PIP4K2C: variants seen among roughly 807,000 people sequenced by gnomAD.
PIP4K2C encodes phosphatidylinositol-5-phosphate 4-kinase type 2 gamma.
PIP4K2C carries 21 observed loss-of-function variants against 45.0 expected under a neutral mutation model. The ratio of observed to expected loss-of-function variants is 0.47; its 90% CI spans 0.33 to 0.67. The LOEUF is 0.67. Ranked by LOEUF, PIP4K2C falls within the 30% of genes least tolerant of loss-of-function variation. PIP4K2C has a pLI of 0.02. For synonymous variants in PIP4K2C, 201 were observed against 204.8 expected, an observed-to-expected ratio of 0.98 and a Z score of 0.16; for missense variants, 456 against 542.8, an observed-to-expected ratio of 0.84 and a Z score of 1.59.
chr12:57,598,404 C>A (rs945448567), intron 4 of PIP4K2C, among the ~76,000 whole-genome samples: 2 of 151,834 alleles, frequency 1.3e-5, no homozygotes, highest in Non-Finnish European at 2.9e-5. Context: ...GCCTGTACTC[C>A]CAGCTACTCG....
intron 3 of PIP4K2C, 111 bp from the exon 4 acceptor site, chr12:57,595,777 C>T: frequency 2.5e-6 from 3 of 1,177,446 alleles, no homozygotes; most frequent in Non-Finnish European, 3.7e-6. Flanking sequence ...AGGAACTGTG[C>T]TGAATCTCCT....
Position 57,603,200 on chromosome 12 carries a change from C to T in PIP4K2C, c.*1594C>T, listed in dbSNP as rs970203990. ...ACTGATGGATCTTTTTCATTCCAAC[C>T]ATCTCCCTTTCCCCCGATGAATGCA... is the stretch of plus-strand genomic sequence containing the variant. On this transcript the variant is annotated 3_prime_UTR_variant, in exon 10 of 10. Transcript: ENST00000354947. 6.6e-6 allele frequency: 1 copy of T among 152,598 alleles called. No homozygotes were observed. The highest frequency in any genetic ancestry group is 2.4e-5 in the African/African-American group (1 of 41,436). 9.5% of individuals were successfully genotyped at this position (152,598 alleles called of 1,614,324 possible).
intron 1 of PIP4K2C, 131 bp downstream of exon 1, chr12:57,591,594 C>A: frequency 1.0e-6 from 1 of 1,001,326 alleles, no homozygotes. Context: ...TTGGTCCCTG[C>A]CCACCAACCC....
chr12:57,600,572 AG>A, intron 7 of PIP4K2C, 135 bp downstream of exon 7: 1 of 795,814 alleles, frequency 1.3e-6, no homozygotes, highest in Admixed American at 2.5e-5. Context: ...ATGGGGGTTT[AG>A]TATGAGACAT....
chr12:57,591,730 C>T (rs1227871447), intron 1 of PIP4K2C, among the ~76,000 whole-genome samples: 1 of 152,216 alleles, frequency 6.6e-6, no homozygotes, highest in East Asian at 1.9e-4. Context: ...TCCTTCCTGC[C>T]ATGTCTAGCT....
rs188456044 is a variant in PIP4K2C at position 57,600,693 on chromosome 12, T to G, written c.814-118T>G. 3.6e-5 allele frequency: 48 copies of G among 1,342,840 alleles called. No homozygotes were observed. The Admixed American group carries it at 7.8e-4, about 22-fold the overall frequency. 83.2% of individuals were successfully genotyped at this position (1,342,840 alleles called of 1,614,324 possible). On this transcript the variant is annotated intron_variant, in intron 7 of 9. Coordinates refer to ENST00000354947, the MANE Select transcript of PIP4K2C (RefSeq NM_024779.5). ...AAAGGCAGTGGTATGCCCTGCAACC[T>G]CAATTTTTATACTTCCTTTCCCCAG... is the stretch of plus-strand genomic sequence containing the variant.
At chr12:57,592,712 C>T (rs1156372114) in intron 1 of PIP4K2C, among the ~76,000 whole-genome samples, 1 of 152,080 alleles carries the variant, frequency 6.6e-6, no homozygotes, top group African/African-American at 2.4e-5. Flanking sequence ...AGACCTACCT[C>T]AGCTTCACTA....
chr12:57,597,390 C>T (rs927773190), intron 4 of PIP4K2C, among the ~76,000 whole-genome samples: 1 of 151,988 alleles, frequency 6.6e-6, no homozygotes. Flanking sequence ...TAACTGGGTG[C>T]CTATTCACCA....
At chr12:57,593,029 C>G (rs1883029343) in intron 1 of PIP4K2C, among the ~76,000 whole-genome samples, 1 of 151,474 alleles carries the variant, frequency 6.6e-6, no homozygotes, top group Non-Finnish European at 1.5e-5. Flanking sequence ...GTGGAATGAT[C>G]TAGTAAGGAT....
At chr12:57,591,492 C>A in intron 1 of PIP4K2C, 29 bp downstream of exon 1, 1 of 1,559,820 alleles carries the variant, frequency 6.4e-7, no homozygotes, top group Non-Finnish European at 8.7e-7. Context: ...CCCCCGCAGC[C>A]CTGTCCAAAC....
In PIP4K2C at chr12:57,601,769, G is replaced by A; in HGVS notation, c.*163G>A. 2 of 640,538 alleles carry A rather than the reference G, an allele frequency of 3.1e-6. No homozygotes were observed. Among genetic ancestry groups the A allele is most frequent in the Admixed American group, 2.7e-5 (1 of 37,202 alleles). 39.7% of individuals were successfully genotyped at this position (640,538 alleles called of 1,614,324 possible). A position where few individuals can be genotyped will look rare whatever the true frequency, so the allele number is the denominator to read the frequency against. ...CCATCCTGTCGAGTAGGCTCTTTCT[G>A]ACCCTCAGAAATACATTGTCCTTTT... On this transcript the variant is annotated 3_prime_UTR_variant, in exon 10 of 10. Coordinates refer to ENST00000354947, the MANE Select transcript of PIP4K2C (RefSeq NM_024779.5).
In PIP4K2C at chr12:57,603,198, A is replaced by G. The variant is rs1024798808; in HGVS notation, c.*1592A>G. ...AGACTGATGGATCTTTTTCATTCCAACCATCTCCCTTTCCCCCGATGAATG... is the reference window on the plus strand; with the variant it reads ...AGACTGATGGATCTTTTTCATTCCAGCCATCTCCCTTTCCCCCGATGAATG... On this transcript the variant is annotated 3_prime_UTR_variant, in exon 10 of 10. Transcript: ENST00000354947. The G allele has an allele frequency of 6.6e-6, 1 of 152,504 alleles. No homozygotes were observed. Among genetic ancestry groups the G allele is most frequent in the African/African-American group, 2.4e-5 (1 of 41,400 alleles). 9.4% of individuals were successfully genotyped at this position (152,504 alleles called of 1,614,324 possible).
rs1464966234 is a variant in PIP4K2C, at chr12:57,603,235, T to A, written c.*1629T>A. 1 of 152,686 alleles carries A rather than the reference T, an allele frequency of 6.5e-6. No homozygotes were observed. Among genetic ancestry groups the A allele is most frequent in the Non-Finnish European group, 1.5e-5 (1 of 68,048 alleles). 9.5% of individuals were successfully genotyped at this position (152,686 alleles called of 1,614,324 possible). A position where few individuals can be genotyped will look rare whatever the true frequency, so the allele number is the denominator to read the frequency against. Reference sequence around the variant, plus strand: ...TCCCCCGATGAATGCAATAAAACTCTGTGACACCAGCAACCATTGCTCTTT... The same window carrying A: ...TCCCCCGATGAATGCAATAAAACTCAGTGACACCAGCAACCATTGCTCTTT... On this transcript the variant is annotated 3_prime_UTR_variant, in exon 10 of 10. Transcript: ENST00000354947.
Position 57,602,216 on chromosome 12 carries a change from G to A in PIP4K2C, c.*610G>A, listed in dbSNP as rs1405014475. The A allele has an allele frequency of 6.5e-6, 1 of 154,836 alleles. No individual in the cohort carries two copies. The highest frequency in any genetic ancestry group is 2.4e-5 in the African/African-American group (1 of 41,448). 9.6% of individuals were successfully genotyped at this position (154,836 alleles called of 1,614,324 possible). On this transcript the variant is annotated 3_prime_UTR_variant, in exon 10 of 10. Transcript: ENST00000354947. Reference sequence around the variant, plus strand: ...TGGGTCAGCAGCCTGGCACCTCACAGAGGTGGGACCTAAGAGGACTCATGA... The same window carrying A: ...TGGGTCAGCAGCCTGGCACCTCACAAAGGTGGGACCTAAGAGGACTCATGA...
intron 4 of PIP4K2C, 150 bp downstream of exon 4, chr12:57,596,181 T>C: frequency 1.9e-6 from 2 of 1,027,654 alleles, no homozygotes; most frequent in Non-Finnish European, 2.8e-6. Flanking sequence ...TGAGGGAAGC[T>C]ATTCTGTCTG....
At chr12:57,599,546 A>G in intron 6 of PIP4K2C, 108 bp downstream of exon 6, 1 of 1,224,686 alleles carries the variant, frequency 8.2e-7, no homozygotes, top group Non-Finnish European at 1.2e-6. Context: ...AGGGATTACT[A>G]GCTATTTATT....
At chr12:57,599,296 C>A in intron 5 of PIP4K2C, 85 bp downstream of exon 5, 1 of 1,606,220 alleles carries the variant, frequency 6.2e-7, no homozygotes, top group East Asian at 2.2e-5. Context: ...TGGATGATTC[C>A]TTTTAAGGGA....
intron 4 of PIP4K2C, among the ~76,000 whole-genome samples, chr12:57,598,735 T>C (rs1007219549): frequency 2.6e-5 from 4 of 152,274 alleles, no homozygotes; most frequent in Middle Eastern, 3.4e-3. Flanking sequence ...GTTGTAATCC[T>C]GGTTCTGTGC....
intron 7 of PIP4K2C, 24 bp downstream of exon 7, chr12:57,600,461 A>G: frequency 3.3e-6 from 5 of 1,518,314 alleles, no homozygotes; most frequent in Non-Finnish European, 4.6e-6. Flanking sequence ...GCTCTGGGAA[A>G]TGGCTTTCCT....
Sources: allele counts gnomAD v4.1 joint callset (sites outside exome capture counted in the v4.1 genomes callset), GRCh38; gene constraint gnomAD v4.1.1; transcripts MANE v1.5; gene names NCBI Gene and HGNC (gene_info 2026-07-23, HGNC 2026-07-21).